NOD1: variants seen among roughly 807,000 people sequenced by gnomAD.
The protein encoded by NOD1 is nucleotide binding oligomerization domain containing 1, also known as nucleotide-binding oligomerization domain-containing protein 1.
A neutral mutation model predicts 81.2 loss-of-function variants in NOD1; 70 were observed. The observed-to-expected ratio is 0.86, with a 90% confidence interval of 0.71 to 1.05. The LOEUF (loss-of-function observed/expected upper bound fraction) is 1.05, where lower values mean the gene tolerates loss of function less well. Among genes scored for constraint, NOD1 ranks in the 50% least tolerant of loss-of-function variants. The pLI, the probability that NOD1 is intolerant of heterozygous loss-of-function variation, is 0.00. For missense variants in NOD1, 1,233 were observed against 1,228.0 expected (o/e 1.00, Z -0.06); for synonymous variants, 508 against 526.9 (o/e 0.96, Z 0.49).
rs560691191 is a variant in NOD1, at chr7:30,467,508, C to T, written c.-351-7467G>A. 1.1e-4 allele frequency among the ~76,000 whole-genome samples: 16 copies of T among 152,196 alleles called. No individual in the cohort carries two copies. In the South Asian group the frequency reaches 2.3e-3, roughly 22 times the overall value. ...CTTTCAACTCAAAGGGCCCACCTGCCCTAGAGAGAAAATGCTTGGTCTTCA... is the reference window on the plus strand; with the variant it reads ...CTTTCAACTCAAAGGGCCCACCTGCTCTAGAGAGAAAATGCTTGGTCTTCA... On this transcript the variant is annotated intron_variant, in intron 1 of 13. Coordinates refer to ENST00000222823, the MANE Select transcript of NOD1 (RefSeq NM_006092.4). This position sits in a 1 kb window ranked among gnomAD's most constrained non-coding sequence, Gnocchi z 4.5.
Position 30,457,002 on chromosome 7 carries a change from C to A in NOD1, c.-81G>T. On this transcript the variant is annotated 5_prime_UTR_variant, in exon 4 of 14. Coordinates refer to ENST00000222823, the MANE Select transcript of NOD1 (RefSeq NM_006092.4). The stretch of plus-strand genomic sequence containing the variant: ...TCTCAGCAGAAGGGCAATCAGGATT[C>A]AGGCCGCGCCCTCCAGGGCCCCTGC... The A allele has an allele frequency of 8.3e-7, 1 of 1,207,346 alleles. No homozygotes were observed. 74.8% of individuals were successfully genotyped at this position (1,207,346 alleles called of 1,614,324 possible). A position where few individuals can be genotyped will look rare whatever the true frequency, so the allele number is the denominator to read the frequency against.
intron 1 of NOD1, among the ~76,000 whole-genome samples, chr7:30,462,438 T>A (rs1226245972): frequency 1.3e-5 from 2 of 151,986 alleles, no homozygotes; most frequent in Non-Finnish European, 2.9e-5. Context: ...TTTTTTTTTT[T>A]TTTTGCTGTT....
At chr7:30,458,960 C>T (rs1786710642) in intron 3 of NOD1, among the ~76,000 whole-genome samples, 192 bp downstream of exon 3, 1 of 152,104 alleles carries the variant, frequency 6.6e-6, no homozygotes, top group Non-Finnish European at 1.5e-5. Context: ...TGGTCTTGAA[C>T]TCCTGACCTC....
In NOD1 at chr7:30,452,713, C is replaced by T. The variant is rs768245417; in HGVS notation, c.704G>A (p.Arg235His). The change falls in exon 6 of 14, where the codon CGC (arginine) becomes CAC (histidine). Residue 235 changes from arginine (R) to histidine (H), a missense_variant. By Grantham distance (29) the Arg-to-His change is conservative. Transcript: ENST00000222823. Reference protein sequence around the residue: ...DAGVKFFFHFRCRMFSCFKES... With the variant: ...DAGVKFFFHFHCRMFSCFKES... ...CTTGAAGCAGCTGAACATGCGGCAG[C>T]GAAAGTGGAAGAAGAATTTGACCCC... 39 of 1,613,832 alleles carry T rather than the reference C, an allele frequency of 2.4e-5. No homozygotes were observed. The South Asian group carries it at 2.6e-4, about 11-fold the overall frequency.
rs1408545599 is a variant in NOD1 at position 30,425,696 on chromosome 7, A to C, written c.2804T>G (p.Leu935Arg). Residue 935 changes from leucine (L) to arginine (R), a missense_variant, in exon 14 of 14, where the codon CTG becomes CGG. Leu to Arg is a moderately radical substitution (Grantham distance 102). Transcript: ENST00000222823. Reference protein sequence around the residue: ...GITEICLNGNLIKPEEAKVYE... With the variant: ...GITEICLNGNRIKPEEAKVYE... ...GACTTTGGCCTCCTCTGGTTTTATC[A>C]GGTTTCCATTTAGGCTGTTGAAAAG... 4 of 1,613,176 alleles carry C rather than the reference A, an allele frequency of 2.5e-6. No homozygotes were observed. The highest frequency in any genetic ancestry group is 2.7e-5 in the African/African-American group (2 of 74,904).
chr7:30,427,254 A>C (rs1308992121), intron 13 of NOD1, among the ~76,000 whole-genome samples: 4 of 152,256 alleles, frequency 2.6e-5, no homozygotes, highest in Non-Finnish European at 5.9e-5. Flanking sequence ...TGTAATTTAC[A>C]GTGTTCATTG....
At position 30,452,597 on chromosome 7, in the gene NOD1, G is replaced by C; in HGVS notation, c.820C>G (p.Arg274Gly). The change falls in exon 6 of 14, where the codon CGC becomes GGC. Residue 274 changes from arginine to glycine, a missense_variant. Arg to Gly is a moderately radical substitution (Grantham distance 125). Transcript: ENST00000222823. ...GTGAAGAGGGCCACGTGGGGGAAGC[G>C]CAGCAGGAAGGCAAACACCTCCTCG... ...DPEEVFAFLL[R>G]FPHVALFTFD... The C allele has an allele frequency of 2.5e-6, 4 of 1,613,666 alleles. No individual in the cohort carries two copies. The highest frequency in any genetic ancestry group is 3.4e-6 in the Non-Finnish European group (4 of 1,180,026).
chr7:30,433,312 C>G (rs1247457693), intron 11 of NOD1, 133 bp from the exon 12 acceptor site: 1 of 662,082 alleles, frequency 1.5e-6, no homozygotes, highest in Admixed American at 2.8e-5. Flanking sequence ...ACCCAGAAAA[C>G]AGCCAGGCTC....
At chr7:30,434,432 T>C (rs952195958) in intron 11 of NOD1, among the ~76,000 whole-genome samples, 2 of 152,176 alleles carry the variant, frequency 1.3e-5, no homozygotes. Context: ...CCGTCTATGA[T>C]GCACAGGACA....
At chr7:30,427,245 G>C (rs1009632285) in intron 13 of NOD1, among the ~76,000 whole-genome samples, 3 of 152,200 alleles carry the variant, frequency 2.0e-5, no homozygotes, top group Non-Finnish European at 4.4e-5. Context: ...ATACATTTCT[G>C]TAATTTACAG....
chr7:30,445,756 CAAAAAAAAAAAAA>C (rs35669955), intron 9 of NOD1, among the ~76,000 whole-genome samples: 15 of 36,072 alleles, frequency 4.2e-4, no homozygotes, highest in East Asian at 9.3e-4. Context: ...GAGACTCTGT[CAAAAAAAAAAAAA>C]AAAAAAAAAA....
intron 11 of NOD1, among the ~76,000 whole-genome samples, chr7:30,435,345 G>GA (rs1195597989): frequency 1.3e-5 from 2 of 152,124 alleles, no homozygotes; most frequent in Admixed American, 1.3e-4. Flanking sequence ...GAGGAAGGGA[G>GA]AAAATTTTGA....
intron 4 of NOD1, among the ~76,000 whole-genome samples, 156 bp from the exon 5 acceptor site, chr7:30,455,467 C>T (rs1786254023): frequency 6.6e-6 from 1 of 152,040 alleles, no homozygotes; most frequent in Non-Finnish European, 1.5e-5. Context: ...CATATTGGAG[C>T]CCGAAAATCT....
intron 4 of NOD1, among the ~76,000 whole-genome samples, chr7:30,455,721 C>T (rs1562695382): frequency 6.6e-6 from 1 of 152,124 alleles, no homozygotes; most frequent in South Asian, 2.1e-4. Context: ...CTTTCCTCAG[C>T]CTCCCAAGTG....
chr7:30,437,957 C>T (rs1784526162), intron 9 of NOD1, among the ~76,000 whole-genome samples: 1 of 152,188 alleles, frequency 6.6e-6, no homozygotes, highest in Non-Finnish European at 1.5e-5. Flanking sequence ...AGCTGTCAGC[C>T]CAGGAGCCTG....
rs528793905 is a variant in NOD1, at chr7:30,425,255, C to T, written c.*383G>A. 7 of 218,150 alleles carry T rather than the reference C, an allele frequency of 3.2e-5. No individual in the cohort carries two copies. The East Asian group carries it at 5.7e-4, about 18-fold the overall frequency. The allele number at this position is 218,150 out of a possible 1,614,324, so 13.5% of individuals were successfully genotyped here. ...ATCCTCAACTCTTCAATGAAAAGAG[C>T]GGTGACCAACTCGCTCCCGTTGGTC... On this transcript the variant is annotated 3_prime_UTR_variant, in exon 14 of 14. Transcript: ENST00000222823.
rs749924282 is a variant in NOD1 at position 30,452,260 on chromosome 7, C to T, written c.1157G>A (p.Ser386Asn). 1 of 1,613,646 alleles carries T rather than the reference C, an allele frequency of 6.2e-7. No individual in the cohort carries two copies. Among genetic ancestry groups the T allele is most frequent in the Non-Finnish European group, 8.5e-7 (1 of 1,179,956 alleles). Residue 386 changes from serine to asparagine, a missense_variant, in exon 6 of 14, where the codon AGC becomes AAC. Coordinates refer to ENST00000222823, the MANE Select transcript of NOD1 (RefSeq NM_006092.4). Reference protein sequence around the residue: ...SQLEANPNLCSLCSVPLFCWI... With the variant: ...SQLEANPNLCNLCSVPLFCWI... ...GCAGAAGAGGGGCACAGAGCACAGG[C>T]TGCAGAGGTTGGGGTTGGCCTCCAG... is the stretch of plus-strand genomic sequence containing the variant.
intron 1 of NOD1, chr7:30,468,945 C>A (rs1787981768): frequency 1.0e-6 from 1 of 985,284 alleles, no homozygotes; most frequent in South Asian, 4.7e-5. Context: ...TGCAAGTTAC[C>A]CAACAGCAAG....
chr7:30,453,336 G>A (rs887162803), intron 5 of NOD1, among the ~76,000 whole-genome samples: 2 of 152,056 alleles, frequency 1.3e-5, no homozygotes, highest in Non-Finnish European at 2.9e-5. Context: ...TTATTCCTCC[G>A]CACAGTGTCA....
Sources: gnomAD v4.1 joint callset for allele counts (sites outside exome capture counted in the v4.1 genomes callset) on GRCh38, gnomAD v4.1.1 for gene constraint, Gnocchi (gnomAD v3.1) non-coding constraint, MANE v1.5 for transcripts, NCBI Gene and HGNC (gene_info 2026-07-23, HGNC 2026-07-21) for gene names.